USP10: variants seen among roughly 807,000 people sequenced by gnomAD.
USP10 encodes the protein ubiquitin carboxyl-terminal hydrolase 10.
Under a neutral mutation model 84.5 loss-of-function variants are expected in USP10, and 22 were observed. The observed-to-expected ratio is 0.26, with a 90% confidence interval of 0.19 to 0.37. The LOEUF is 0.37. USP10 is among the 10% of genes least tolerant of loss of function. The pLI, the probability that USP10 is intolerant of heterozygous loss-of-function variation, is 1.00. For missense variants in USP10, 1,019 were observed against 998.9 expected (o/e 1.02, Z -0.27); for synonymous variants, 454 against 387.6 (o/e 1.17, Z -2.01).
At chr16:84,744,186 G>T (rs1026210149) in intron 3 of USP10, among the ~76,000 whole-genome samples, 5 of 151,834 alleles carry the variant, frequency 3.3e-5, no homozygotes, top group African/African-American at 1.2e-4. Flanking sequence ...ATCAAATCAC[G>T]TTAACTACAG....
At chr16:84,715,093 T>C (rs1226557107) in intron 1 of USP10, among the ~76,000 whole-genome samples, 1 of 152,104 alleles carries the variant, frequency 6.6e-6, no homozygotes, top group Admixed American at 6.5e-5. Flanking sequence ...CATGCCTAGC[T>C]ACTTTTTATA....
At chr16:84,708,393 G>T (rs1026269285) in intron 1 of USP10, among the ~76,000 whole-genome samples, 3 of 152,194 alleles carry the variant, frequency 2.0e-5, no homozygotes, top group Admixed American at 6.5e-5. Context: ...AGAGGTTGCT[G>T]TGAGACAAGA....
intron 1 of USP10, among the ~76,000 whole-genome samples, chr16:84,702,629 A>T (rs78497104): frequency 2.0e-5 from 3 of 152,180 alleles, no homozygotes; most frequent in African/African-American, 7.2e-5. Context: ...TGAAGGTCTT[A>T]TTTTAAAATT....
rs781004071 is a variant in USP10 at position 84,700,061 on chromosome 16, G to T, written c.-30G>T. 1.5e-5 allele frequency: 20 copies of T among 1,368,940 alleles called. No homozygotes were observed. Among genetic ancestry groups the T allele is most frequent in the Non-Finnish European group, 1.9e-5 (20 of 1,040,540 alleles). The allele number at this position is 1,368,940 out of a possible 1,614,324, so 84.8% of individuals were successfully genotyped here. A position where few individuals can be genotyped will look rare whatever the true frequency, so the allele number is the denominator to read the frequency against. On this transcript the variant is annotated 5_prime_UTR_variant, in exon 1 of 14. Transcript: ENST00000219473. The stretch of plus-strand genomic sequence containing the variant: ...GGGGAAGCAGCGTGAGCAGCCGGAG[G>T]ATCGCGGAGTCCCAATGAAACGGGC...
In USP10 at chr16:84,718,250, T is replaced by C. The variant is rs527712507; in HGVS notation, c.22-15185T>C. Among the ~76,000 whole-genome samples, 4 of 152,254 alleles carry C rather than the reference T, an allele frequency of 2.6e-5. No individual in the cohort carries two copies. The South Asian group carries it at 8.3e-4, about 32-fold the overall frequency. The stretch of plus-strand genomic sequence containing the variant: ...TCAGAAGACATTTCTGAAGAGTTGC[T>C]TGTGAGTTCATTTATTTTATTGAGA... On this transcript the variant is annotated intron_variant, in intron 1 of 13. Coordinates refer to ENST00000219473, the MANE Select transcript of USP10 (RefSeq NM_005153.3).
intron 4 of USP10, among the ~76,000 whole-genome samples, chr16:84,752,269 G>T (rs989727227): frequency 6.6e-6 from 1 of 152,200 alleles, no homozygotes; most frequent in Non-Finnish European, 1.5e-5. Context: ...TAAAGTTGCT[G>T]TCTGAACAGT....
intron 2 of USP10, among the ~76,000 whole-genome samples, chr16:84,739,854 A>G (rs34923260): frequency 0.17 from 26,406 of 152,156 alleles, 2,597 homozygotes; most frequent in Middle Eastern, 0.31. Flanking sequence ...CTCTCCGACC[A>G]TGGACCTGGT....
At chr16:84,759,804 T>G in intron 6 of USP10, 87 bp from the exon 7 acceptor site, 1 of 1,315,650 alleles carries the variant, frequency 7.6e-7, no homozygotes, top group Non-Finnish European at 1.1e-6. Context: ...CTCGTATAGC[T>G]GATATTCTAC....
At chr16:84,748,785 A>C (rs1911556654) in intron 4 of USP10, among the ~76,000 whole-genome samples, 2 of 152,216 alleles carry the variant, frequency 1.3e-5, no homozygotes, top group South Asian at 4.1e-4. Context: ...TGTTCTGTAT[A>C]TGTTAAAGTC....
In USP10 at chr16:84,763,064, A is replaced by G. The variant is rs1445916013; in HGVS notation, c.1630A>G (p.Lys544Glu). 1 of 1,611,922 alleles carries G rather than the reference A, an allele frequency of 6.2e-7. No homozygotes were observed. Among genetic ancestry groups the G allele is most frequent in the Non-Finnish European group, 8.5e-7 (1 of 1,178,304 alleles). The change falls in exon 9 of 14, where the codon AAG becomes GAG. Residue 544 changes from lysine to glutamate, a missense_variant. This residue lies in a region of USP10 where 787 missense variants were observed against 708.8 expected (regional missense o/e 1.11). Coordinates refer to ENST00000219473, the MANE Select transcript of USP10 (RefSeq NM_005153.3). ...GLHEEMLNLK[K>E]LLSPSNEKLT... ...TCATGAGGAAATGTTGAACCTAAAG[A>G]AGCTTCTCTCACCAAGTAATGAAAG...
chr16:84,746,640 G>C (rs941009146), intron 4 of USP10, among the ~76,000 whole-genome samples: 2 of 152,224 alleles, frequency 1.3e-5, no homozygotes, highest in Non-Finnish European at 2.9e-5. Context: ...GAGCTTGCAA[G>C]ACTGGAGTGG....
At chr16:84,734,841 G>A (rs548020878) in intron 2 of USP10, among the ~76,000 whole-genome samples, 24 of 152,174 alleles carry the variant, frequency 1.6e-4, no homozygotes, top group African/African-American at 5.3e-4. Flanking sequence ...AGGTGGCATC[G>A]AACTCCCTGC....
intron 10 of USP10, among the ~76,000 whole-genome samples, chr16:84,766,128 T>A (rs1230588668): frequency 7.9e-5 from 12 of 152,138 alleles, no homozygotes; most frequent in Non-Finnish European, 1.5e-5. Flanking sequence ...CAGTCTCAGT[T>A]CTGAGACTGA....
intron 1 of USP10, chr16:84,732,446 T>C: frequency 2.9e-6 from 1 of 348,602 alleles, no homozygotes; most frequent in Admixed American, 3.6e-5. Context: ...TTCTTCTTCT[T>C]TTTTTTTTTT....
intron 1 of USP10, among the ~76,000 whole-genome samples, chr16:84,720,022 C>T (rs1204244640): frequency 2.0e-5 from 3 of 152,178 alleles, no homozygotes; most frequent in South Asian, 2.1e-4. Flanking sequence ...ACAACAAAGC[C>T]GCTCATTAAG....
intron 1 of USP10, among the ~76,000 whole-genome samples, chr16:84,726,530 C>T (rs1029110158): frequency 2.0e-5 from 3 of 152,230 alleles, no homozygotes; most frequent in African/African-American, 7.2e-5. Flanking sequence ...GCCAGCTTAG[C>T]CAACAGGCTA....
intron 1 of USP10, among the ~76,000 whole-genome samples, chr16:84,717,809 A>T (rs1255261425): frequency 6.6e-6 from 1 of 152,202 alleles, no homozygotes; most frequent in Non-Finnish European, 1.5e-5. Flanking sequence ...TCTGGTCCTC[A>T]GGTGTATGTG....
chr16:84,700,123 T>C lies in USP10; in HGVS notation c.21+12T>C. 7.5e-7 allele frequency: 1 copy of C among 1,340,586 alleles called. No homozygotes were observed. The allele number at this position is 1,340,586 out of a possible 1,614,324, so 83.0% of individuals were successfully genotyped here. A position where few individuals can be genotyped will look rare whatever the true frequency, so the allele number is the denominator to read the frequency against. ...TCCACAGCCCGCAGGTAGCCGCCGGTCTGCGCCTTCGGCCGGAAGGGGCCC... is the reference window on the plus strand; with the variant it reads ...TCCACAGCCCGCAGGTAGCCGCCGGCCTGCGCCTTCGGCCGGAAGGGGCCC... On this transcript the variant is annotated intron_variant, in intron 1 of 13. Coordinates refer to ENST00000219473, the MANE Select transcript of USP10 (RefSeq NM_005153.3).
intron 11 of USP10, 26 bp from the exon 12 acceptor site, chr16:84,772,515 G>T (rs1914563765): frequency 6.2e-7 from 1 of 1,612,426 alleles, no homozygotes; most frequent in African/African-American, 1.3e-5. Flanking sequence ...CAGGGACGGT[G>T]TGTCCTGGTG....
Sources: gnomAD v4.1 joint callset for allele counts (sites outside exome capture counted in the v4.1 genomes callset) on GRCh38, gnomAD v4.1.1 for gene constraint, gnomAD v4.1.1 regional missense constraint, MANE v1.5 for transcripts, NCBI Gene and HGNC (gene_info 2026-07-23, HGNC 2026-07-21) for gene names.